The following SMTNL2 variants were observed in gnomAD, a reference collection of about 807,000 sequenced individuals.
SMTNL2 encodes the protein smoothelin like 2, also known as smoothelin-like protein 2.
Under a neutral mutation model 44.1 loss-of-function variants are expected in SMTNL2, and 43 were observed. The observed-to-expected ratio is 0.98, with a 90% CI of 0.76 to 1.26. The LOEUF is 1.26. SMTNL2 is among the 50% of genes most tolerant of loss of function. The pLI is 0.00. For synonymous variants in SMTNL2, 317 were observed against 287.6 expected (o/e 1.10, Z -1.03); for missense variants, 646 against 670.2 (o/e 0.96, Z 0.40).
Position 4,595,504 on chromosome 17 carries a change from G to T in SMTNL2, c.989+177G>T, listed in dbSNP as rs761384779. On this transcript the variant is annotated intron_variant, in intron 5 of 7. Coordinates refer to ENST00000389313, the MANE Select transcript of SMTNL2 (RefSeq NM_001114974.2). The surrounding 1 kb of genome is among the most constrained non-coding windows in gnomAD (Gnocchi z 5.1). ...TAGGGCTGGGCCACAGGGCAGCTTG[G>T]GGGGACAGAGGACCCCAGTTGTTGG... 6.6e-6 allele frequency among the ~76,000 whole-genome samples: 1 copy of T among 152,222 alleles called. No homozygotes were observed. Among genetic ancestry groups the T allele is most frequent in the South Asian group, 2.1e-4 (1 of 4,832 alleles).
chr17:4,604,820 C>T (rs1180253113), intron 7 of SMTNL2, among the ~76,000 whole-genome samples: 1 of 152,114 alleles, frequency 6.6e-6, no homozygotes, highest in Non-Finnish European at 1.5e-5. Flanking sequence ...TTCAGGCGTG[C>T]ACCACCATGC....
In SMTNL2 at chr17:4,595,772, C is replaced by G. The variant is rs1306679424; in HGVS notation, c.989+445C>G. 6.6e-6 allele frequency among the ~76,000 whole-genome samples: 1 copy of G among 152,232 alleles called. No homozygotes were observed. Among genetic ancestry groups the G allele is most frequent in the Non-Finnish European group, 1.5e-5 (1 of 68,032 alleles). ...TCTTGCCCAAGGACCGAAGGTGATG[C>G]CACGGGGCCGAGTGGCCTCCAGCCT... On this transcript the variant is annotated intron_variant, in intron 5 of 7. Transcript: ENST00000389313. This position sits in a 1 kb window ranked among gnomAD's most constrained non-coding sequence, Gnocchi z 5.1.
At chr17:4,585,221 C>A (rs530252485) in intron 1 of SMTNL2, among the ~76,000 whole-genome samples, 11 of 152,242 alleles carry the variant, frequency 7.2e-5, no homozygotes, top group Non-Finnish European at 1.3e-4. Flanking sequence ...CTTGGTCCTC[C>A]GCCCTGTTTT....
chr17:4,589,355 G>A (rs1325994420), intron 1 of SMTNL2, among the ~76,000 whole-genome samples: 4 of 152,094 alleles, frequency 2.6e-5, no homozygotes, highest in Non-Finnish European at 5.9e-5. Context: ...GGGTGGGTGA[G>A]GGGGCACGGA....
intron 5 of SMTNL2, among the ~76,000 whole-genome samples, chr17:4,596,227 C>G (rs1275365797): frequency 6.6e-6 from 1 of 151,992 alleles, no homozygotes; most frequent in Non-Finnish European, 1.5e-5. Flanking sequence ...AGAGTGTGGC[C>G]CAAGCGTGGT....
In SMTNL2 at chr17:4,595,256, G is replaced by T; in HGVS notation, c.918G>T (p.Leu306=). The T allele has an allele frequency of 6.2e-7, 1 of 1,613,254 alleles. No individual in the cohort carries two copies. Among genetic ancestry groups the T allele is most frequent in the South Asian group, 1.1e-5 (1 of 91,056 alleles). ...GGGAGCTGGTGAGGTCGCAGACGCT[G>T]CCCCGCACCTCGGAGGCGCAGGCCC... ...RRRELVRSQT[L]PRTSEAQARK... is the part of the protein sequence containing the mutation. Residue 306 remains leucine (L), a synonymous_variant, in exon 5 of 8, where the codon CTG becomes CTT. Coordinates refer to ENST00000389313, the MANE Select transcript of SMTNL2 (RefSeq NM_001114974.2). This position sits in a 1 kb window ranked among gnomAD's most constrained non-coding sequence, Gnocchi z 5.1.
In SMTNL2 at chr17:4,596,921, A is replaced by G; in HGVS notation, c.1051A>G (p.Ser351Gly). The G allele has an allele frequency of 6.6e-7, 1 of 1,525,876 alleles. No homozygotes were observed. Among genetic ancestry groups the G allele is most frequent in the East Asian group, 2.5e-5 (1 of 40,220 alleles). 94.5% of individuals were successfully genotyped at this position (1,525,876 alleles called of 1,614,324 possible). Residue 351 changes from serine to glycine, a missense_variant, in exon 6 of 8, where the codon AGC (serine) becomes GGC (glycine). Transcript: ENST00000389313. ...RSQSFGVASASSIKQILLEWC... is the reference protein window; with the variant it reads ...RSQSFGVASAGSIKQILLEWC... ...GCAGAGCTTCGGCGTGGCCAGCGCC[A>G]GCAGCATCAAGCAGATCCTGCTCGA...
Position 4,593,970 on chromosome 17 carries a change from C to T in SMTNL2, c.806+73C>T, listed in dbSNP as rs557023414. 3.0e-5 allele frequency: 47 copies of T among 1,551,782 alleles called. No homozygotes were observed. In the East Asian group the frequency reaches 1.0e-3, roughly 34 times the overall value. ...TTCTCTGCTTTGGACGCAGGCCGCC[C>T]AGGGTTGGCCCTGGGGTTGGTGCCT... On this transcript the variant is annotated intron_variant, in intron 4 of 7. Coordinates refer to ENST00000389313, the MANE Select transcript of SMTNL2 (RefSeq NM_001114974.2).
In SMTNL2 at chr17:4,584,956, C is replaced by T; in HGVS notation, c.351C>T (p.Ser117=). ...CCGACCGCGCGCCCCGCCTGGGCAG[C>T]GCACGCTTCGCCAGCCACGCCACCT... The part of the protein sequence containing the change: ...GVPDRAPRLG[S]ARFASHATFS... Residue 117 remains serine (S), a synonymous_variant, in exon 1 of 8, where the codon AGC becomes AGT. Coordinates refer to ENST00000389313, the MANE Select transcript of SMTNL2 (RefSeq NM_001114974.2). 7.3e-7 allele frequency: 1 copy of T among 1,366,318 alleles called. No homozygotes were observed. Among genetic ancestry groups the T allele is most frequent in the Non-Finnish European group, 9.4e-7 (1 of 1,061,690 alleles). 84.6% of individuals were successfully genotyped at this position (1,366,318 alleles called of 1,614,324 possible). A position where few individuals can be genotyped will look rare whatever the true frequency, so the allele number is the denominator to read the frequency against.
chr17:4,589,797 T>C (rs955642089), intron 1 of SMTNL2, among the ~76,000 whole-genome samples: 1 of 151,950 alleles, frequency 6.6e-6, no homozygotes, highest in Non-Finnish European at 1.5e-5. Context: ...TGCTAGGCCA[T>C]CTCCTGTCCC....
intron 7 of SMTNL2, among the ~76,000 whole-genome samples, chr17:4,599,916 G>A (rs1037960496): frequency 2.6e-5 from 4 of 152,196 alleles, no homozygotes; most frequent in Non-Finnish European, 5.9e-5. Flanking sequence ...CCCGCCTCCC[G>A]GTGGCCTGGG....
intron 1 of SMTNL2, among the ~76,000 whole-genome samples, chr17:4,586,000 G>A (rs78436925): frequency 0.12 from 18,670 of 152,154 alleles, 1,192 homozygotes; most frequent in South Asian, 0.16. Context: ...ACAGTAGTTA[G>A]CCCCTTCTCA....
In SMTNL2 at chr17:4,584,848, G is replaced by A. The variant is rs993372469; in HGVS notation, c.243G>A (p.Val81=). The A allele has an allele frequency of 3.8e-6, 5 of 1,326,432 alleles. No homozygotes were observed. Among genetic ancestry groups the A allele is most frequent in the Non-Finnish European group, 4.8e-6 (5 of 1,039,078 alleles). The allele number at this position is 1,326,432 out of a possible 1,614,324, so 82.2% of individuals were successfully genotyped here. A position where few individuals can be genotyped will look rare whatever the true frequency, so the allele number is the denominator to read the frequency against. ...QAQLERLTRQ[V]EALGLASGMS... ...AGCTCGAGCGCCTGACGCGCCAGGT[G>A]GAGGCGCTGGGCTTGGCCAGCGGGA... The change falls in exon 1 of 8, where the codon GTG becomes GTA. Residue 81 remains valine (V), a synonymous_variant. Transcript: ENST00000389313.
rs546312988 is a variant in SMTNL2 at position 4,607,300 on chromosome 17, C to T, written c.1260-61C>T. On this transcript the variant is annotated intron_variant, in intron 7 of 7. Transcript: ENST00000389313. This position sits in a 1 kb window ranked among gnomAD's most constrained non-coding sequence, Gnocchi z 4.7. ...CCCGGGACCGAGACACCGGCCCTGT[C>T]GCGGCTGTGGGGCTGGCTGATGGCT... The T allele has an allele frequency of 5.0e-6, 8 of 1,597,924 alleles. No homozygotes were observed. In the East Asian group the frequency reaches 9.3e-5, roughly 18 times the overall value.
rs765476743 is a variant in SMTNL2 at position 4,600,789 on chromosome 17, C to A, written c.1259+3466C>A. ...CTGCAGAGGCCCAGTGCAGGACGTGCAGCCCCAGGCTTCCCGCTTGCCCTG... is the reference window on the plus strand; with the variant it reads ...CTGCAGAGGCCCAGTGCAGGACGTGAAGCCCCAGGCTTCCCGCTTGCCCTG... On this transcript the variant is annotated intron_variant, in intron 7 of 7. Coordinates refer to ENST00000389313, the MANE Select transcript of SMTNL2 (RefSeq NM_001114974.2). This position sits in a 1 kb window ranked among gnomAD's most constrained non-coding sequence, Gnocchi z 4.7. Among the ~76,000 whole-genome samples the A allele has an allele frequency of 7.9e-5, 12 of 152,180 alleles. No individual in the cohort carries two copies. The highest frequency in any genetic ancestry group is 1.6e-4 in the Non-Finnish European group (11 of 68,032).
chr17:4,586,700 G>A (rs1486359392), intron 1 of SMTNL2, among the ~76,000 whole-genome samples: 1 of 152,200 alleles, frequency 6.6e-6, no homozygotes, highest in African/African-American at 2.4e-5. Flanking sequence ...GTGGAGGGTG[G>A]CTGGAGGTGG....
intron 1 of SMTNL2, among the ~76,000 whole-genome samples, chr17:4,586,770 G>C (rs554704443): frequency 6.6e-6 from 1 of 152,260 alleles, no homozygotes; most frequent in Admixed American, 6.5e-5. Flanking sequence ...CGTGGGCCTT[G>C]GTGTGTAGAG....
Position 4,607,484 on chromosome 17 carries a change from G to A in SMTNL2, c.1383G>A (p.Glu461=), listed in dbSNP as rs773581306. 20 of 1,614,050 alleles carry A rather than the reference G, an allele frequency of 1.2e-5. No individual in the cohort carries two copies. The South Asian group carries it at 2.0e-4, about 16-fold the overall frequency. ...TGTACAACCACCTGCGTCGCTTCGA[G>A]TAAAGCCCCTGAGCCTGGATTGCCA... ...QSLYNHLRRF[E] is the part of the protein sequence containing the mutation. The change falls in exon 8 of 8, where the codon GAG becomes GAA. Residue 461 remains glutamate (E), a synonymous_variant. Transcript: ENST00000389313. The surrounding 1 kb of genome is among the most constrained non-coding windows in gnomAD (Gnocchi z 4.7).
At position 4,597,255 on chromosome 17, in the gene SMTNL2, CT is replaced by C; in HGVS notation, c.1194del (p.Phe398LeufsTer6). 6.2e-7 allele frequency: 1 copy of C among 1,614,206 alleles called. No homozygotes were observed. Among genetic ancestry groups the C allele is most frequent in the South Asian group, 1.1e-5 (1 of 91,086 alleles). ...ALVHSFFPDA[F>X]DYNSLSPTQR... ...TGGTACACTCCTTCTTCCCCGATGC[CT>C]TTGACTACAACTCCCTGAGCCCCAC... On this transcript the variant is annotated frameshift_variant, in exon 7 of 8. Transcript: ENST00000389313. LOFTEE classifies it high-confidence loss of function.
Sources: gnomAD v4.1 joint callset for allele counts (sites outside exome capture counted in the v4.1 genomes callset) on GRCh38, gnomAD v4.1.1 for gene constraint, Gnocchi (gnomAD v3.1) non-coding constraint, MANE v1.5 for transcripts, NCBI Gene and HGNC (gene_info 2026-07-23, HGNC 2026-07-21) for gene names.